STPG2: variants seen among roughly 807,000 people sequenced by gnomAD.
STPG2 encodes the protein sperm-tail PG-rich repeat-containing protein 2.
STPG2 carries 56 observed loss-of-function variants against 54.2 expected under a neutral mutation model. The ratio of observed to expected loss-of-function variants is 1.03; its 90% CI spans 0.83 to 1.29. STPG2 has a LOEUF of 1.29. STPG2 is among the 50% of genes most tolerant of loss of function. The probability of loss-of-function intolerance (pLI) is 0.00; values close to 1 mark genes in which losing one functional copy is unlikely to be tolerated. For synonymous variants in STPG2, 200 were observed against 181.8 expected (o/e 1.10, Z -0.81); for missense variants, 596 against 544.9 (o/e 1.09, Z -0.93).
chr4:97,900,832 A>G (rs1206364614), intron 8 of STPG2, among the ~76,000 whole-genome samples: 1 of 152,002 alleles, frequency 6.6e-6, no homozygotes, highest in African/African-American at 2.4e-5. Flanking sequence ...TATTGGACTT[A>G]ATGCCTGGGT....
intron 8 of STPG2, among the ~76,000 whole-genome samples, chr4:97,858,215 T>C (rs987378667): frequency 6.6e-6 from 1 of 152,040 alleles, no homozygotes; most frequent in East Asian, 1.9e-4. Flanking sequence ...TCCAAGCAGA[T>C]TTACTACAAA....
chr4:97,599,157 T>C (rs1040680811), intron 10 of STPG2, among the ~76,000 whole-genome samples: 1 of 151,908 alleles, frequency 6.6e-6, no homozygotes, highest in Admixed American at 6.5e-5. Context: ...AAAAAAACAC[T>C]CAACAGCACT....
chr4:97,982,059 T>C (rs950277237), intron 5 of STPG2, among the ~76,000 whole-genome samples: 1 of 151,840 alleles, frequency 6.6e-6, no homozygotes. Context: ...TATTTTTTTG[T>C]ATTTTTAGTA....
At chr4:97,945,107 A>G (rs1426300050) in intron 7 of STPG2, among the ~76,000 whole-genome samples, 1 of 152,082 alleles carries the variant, frequency 6.6e-6, no homozygotes, top group Non-Finnish European at 1.5e-5. Context: ...TTTTCCTTAC[A>G]TGGATGTATA....
At chr4:97,564,830 T>A (rs1732379754) in intron 10 of STPG2, among the ~76,000 whole-genome samples, 1 of 152,220 alleles carries the variant, frequency 6.6e-6, no homozygotes, top group East Asian at 1.9e-4. Context: ...CTTCCCTTTG[T>A]GAGTAACCCG....
intron 4 of STPG2, among the ~76,000 whole-genome samples, chr4:97,548,011 G>A (rs1300627810): frequency 2.6e-5 from 4 of 151,742 alleles, no homozygotes; most frequent in African/African-American, 7.3e-5. Context: ...TTAGCCGGGC[G>A]TGGTGGCGCA....
intron 10 of STPG2, among the ~76,000 whole-genome samples, chr4:97,614,863 A>T: frequency 6.6e-6 from 1 of 152,122 alleles, no homozygotes; most frequent in Non-Finnish European, 1.5e-5. Flanking sequence ...GACTTGTGTA[A>T]GCTAAACGAA....
intron 9 of STPG2, among the ~76,000 whole-genome samples, chr4:97,784,816 G>A (rs1487119499): frequency 6.6e-6 from 1 of 151,960 alleles, no homozygotes; most frequent in African/African-American, 2.4e-5. Context: ...GTTAATCTAT[G>A]CATGAATTCT....
intron 9 of STPG2, among the ~76,000 whole-genome samples, chr4:97,730,713 A>AT (rs932612735): frequency 1.1e-4 from 17 of 152,018 alleles, no homozygotes; most frequent in Admixed American, 2.0e-4. Context: ...GGTTTTGTTC[A>AT]TTTTTTTTAA....
intron 10 of STPG2, among the ~76,000 whole-genome samples, chr4:97,594,074 T>C (rs1369926566): frequency 4.6e-5 from 7 of 152,170 alleles, no homozygotes; most frequent in African/African-American, 1.7e-4. Flanking sequence ...ACAATAACTC[T>C]GGAAATTCAA....
intron 10 of STPG2, among the ~76,000 whole-genome samples, chr4:97,666,939 C>T (rs1241842475): frequency 6.6e-6 from 1 of 152,128 alleles, no homozygotes; most frequent in East Asian, 1.9e-4. Context: ...ACCACTACCA[C>T]CACCATTATC....
chr4:97,545,497 C>G (rs563085783), intron 4 of STPG2, among the ~76,000 whole-genome samples: 106 of 152,058 alleles, frequency 7.0e-4, no homozygotes, highest in African/African-American at 2.5e-3. Context: ...TCCCTCAACC[C>G]CCCTGGTGAT....
chr4:97,636,913 A>G (rs1286187011), intron 10 of STPG2, among the ~76,000 whole-genome samples: 4 of 151,840 alleles, frequency 2.6e-5, no homozygotes, highest in Admixed American at 6.6e-5. Flanking sequence ...TACCAGAGGT[A>G]TAAGGAGGAA....
intron 9 of STPG2, among the ~76,000 whole-genome samples, chr4:97,832,359 C>T (rs900652629): frequency 2.2e-4 from 34 of 152,136 alleles, no homozygotes; most frequent in African/African-American, 3.9e-4. Flanking sequence ...ATTGATGGAA[C>T]GCATCTCAAA....
At chr4:98,114,839 T>G (rs1251929863) in intron 3 of STPG2, among the ~76,000 whole-genome samples, 1 of 151,696 alleles carries the variant, frequency 6.6e-6, no homozygotes, top group Admixed American at 6.6e-5. Flanking sequence ...TGACAAGTAC[T>G]TAACTCATTA....
chr4:97,617,635 G>A (rs1733908862), intron 10 of STPG2, among the ~76,000 whole-genome samples: 1 of 152,114 alleles, frequency 6.6e-6, no homozygotes, highest in Admixed American at 6.6e-5. Flanking sequence ...ACTAAGTGAA[G>A]AACCAGACAG....
chr4:97,884,373 T>C (rs1352468488), intron 8 of STPG2, among the ~76,000 whole-genome samples: 1 of 152,150 alleles, frequency 6.6e-6, no homozygotes, highest in Non-Finnish European at 1.5e-5. Context: ...TAAAATGGTG[T>C]TGTAAAGGAA....
rs1442569057 is a variant in STPG2 at position 97,867,380 on chromosome 4, C to T, written c.1045-26448G>A. On this transcript the variant is annotated intron_variant, in intron 8 of 10. Transcript: ENST00000295268. The stretch of plus-strand genomic sequence containing the variant: ...ATATTGGAAAAATGTCAGCCATGAC[C>T]TCTTCAGATATAATCTCTGCCAAAT... Among the ~76,000 whole-genome samples, 74 of 151,850 alleles carry T rather than the reference C, an allele frequency of 4.9e-4. 1 individual carries two copies. The highest frequency in any genetic ancestry group is 2.4e-5 in the African/African-American group (1 of 41,350).
At chr4:97,577,329 T>C (rs546752145) in intron 10 of STPG2, among the ~76,000 whole-genome samples, 1 of 152,304 alleles carries the variant, frequency 6.6e-6, no homozygotes, top group African/African-American at 2.4e-5. Context: ...AGCAATGTCA[T>C]GGAATCAACC....
Sources: gnomAD v4.1 joint callset for allele counts (sites outside exome capture counted in the v4.1 genomes callset) on GRCh38, gnomAD v4.1.1 for gene constraint, MANE v1.5 for transcripts, NCBI Gene and HGNC (gene_info 2026-07-23, HGNC 2026-07-21) for gene names.